The following DGKB variants were observed in gnomAD, a reference collection of about 807,000 sequenced individuals.
DGKB encodes diacylglycerol kinase beta.
A neutral mutation model predicts 114.3 loss-of-function variants in DGKB; 67 were observed. That is an observed-to-expected ratio of 0.59 (90% confidence interval 0.48 to 0.72). The LOEUF is 0.72. Ranked by LOEUF, DGKB falls within the 30% of genes least tolerant of loss-of-function variation. The probability of loss-of-function intolerance (pLI) is 0.00; values close to 1 mark genes in which losing one functional copy is unlikely to be tolerated. For synonymous variants in DGKB, 398 were observed against 323.1 expected (o/e 1.23, Z -2.49); for missense variants, 907 against 975.2 (o/e 0.93, Z 0.93).
intron 23 of DGKB, among the ~76,000 whole-genome samples, chr7:14,186,236 T>G (rs192966280): frequency 6.6e-6 from 1 of 152,272 alleles, no homozygotes; most frequent in African/African-American, 2.4e-5. Flanking sequence ...AAAGAAGATA[T>G]ACAAATGGCC....
chr7:14,811,823 TAAGGGTACA>T (rs1452157044), intron 2 of DGKB, among the ~76,000 whole-genome samples: 1 of 152,150 alleles, frequency 6.6e-6, no homozygotes, highest in Non-Finnish European at 1.5e-5. Context: ...CAACCATTTT[TAAGGGTACA>T]GTTATGTGAT....
intron 4 of DGKB, among the ~76,000 whole-genome samples, chr7:14,739,790 G>C (rs1056845490): frequency 3.3e-5 from 5 of 152,164 alleles, no homozygotes; most frequent in Non-Finnish European, 5.9e-5. Context: ...GTCCAACCCA[G>C]TCTTTGCTAT....
rs73068041 is a variant in DGKB, at chr7:14,428,248, T to A, written c.1835+49913A>T. On this transcript the variant is annotated intron_variant, in intron 21 of 25. Coordinates refer to ENST00000402815, the MANE Select transcript of DGKB (RefSeq NM_001350709.2). ...TGACTCATTTTGCTTACTTTATCAG[T>A]TCTGTTCTCTGAGCCCCTTATTACT... Among the ~76,000 whole-genome samples, 586 of 152,220 alleles carry A rather than the reference T, an allele frequency of 3.8e-3. 2 individuals are homozygous for A. Among genetic ancestry groups the A allele is most frequent in the Non-Finnish European group, 6.5e-3 (439 of 68,008 alleles).
chr7:14,547,625 T>C (rs1794492463), intron 20 of DGKB, among the ~76,000 whole-genome samples: 1 of 152,306 alleles, frequency 6.6e-6, no homozygotes, highest in East Asian at 1.9e-4. Context: ...GAATACACTC[T>C]CATTTATCAT....
intron 1 of DGKB, among the ~76,000 whole-genome samples, chr7:14,948,391 C>G (rs1270556956): frequency 6.6e-6 from 1 of 151,736 alleles, no homozygotes; most frequent in East Asian, 1.9e-4. Context: ...GTGTCATGCA[C>G]TACTGGTTTC....
At chr7:14,910,742 C>A (rs1412170955) in intron 1 of DGKB, among the ~76,000 whole-genome samples, 1 of 152,138 alleles carries the variant, frequency 6.6e-6, no homozygotes, top group Non-Finnish European at 1.5e-5. Context: ...ATTCTTAACA[C>A]CTCTGCTACA....
Position 14,146,979 on chromosome 7 carries a change from T to G in DGKB, c.*2152A>C, listed in dbSNP as rs1781544346. 6.6e-6 allele frequency: 1 copy of G among 152,160 alleles called. No individual in the cohort carries two copies. The highest frequency in any genetic ancestry group is 2.4e-5 in the African/African-American group (1 of 41,456). The allele number at this position is 152,160 out of a possible 1,614,324, so 9.4% of individuals were successfully genotyped here. On this transcript the variant is annotated 3_prime_UTR_variant, in exon 26 of 26. Coordinates refer to ENST00000402815, the MANE Select transcript of DGKB (RefSeq NM_001350709.2). ...CCTTCAAACTATATACTATAAAAGGTAGCCAAGACATAATTGTATGTTGTA... is the reference window on the plus strand; with the variant it reads ...CCTTCAAACTATATACTATAAAAGGGAGCCAAGACATAATTGTATGTTGTA...
chr7:14,771,279 CTG>C (rs1837362762), intron 2 of DGKB, among the ~76,000 whole-genome samples: 1 of 152,114 alleles, frequency 6.6e-6, no homozygotes, highest in African/African-American at 2.4e-5. Context: ...CTCTGGGAAA[CTG>C]TAATTTTCAG....
Position 14,777,991 on chromosome 7 carries a change from T to G in DGKB, c.71-20260A>C, listed in dbSNP as rs924784876. 3.9e-5 allele frequency among the ~76,000 whole-genome samples: 6 copies of G among 152,212 alleles called. No individual in the cohort carries two copies. In the East Asian group the frequency reaches 1.2e-3, roughly 29 times the overall value. On this transcript the variant is annotated intron_variant, in intron 2 of 25. Transcript: ENST00000402815. ...CAGATCTATTTAAATCTAGCTACAA[T>G]AATCACATGCTTCAGTAAAAATGTC...
chr7:14,299,996 G>A (rs750359119), intron 23 of DGKB, among the ~76,000 whole-genome samples: 31 of 151,944 alleles, frequency 2.0e-4, no homozygotes, highest in Non-Finnish European at 3.5e-4. Context: ...TATAACACGG[G>A]ATAGATGGCC....
chr7:14,574,130 A>G, intron 20 of DGKB, 82 bp downstream of exon 20: 1 of 1,071,438 alleles, frequency 9.3e-7, no homozygotes, highest in Non-Finnish European at 1.3e-6. Context: ...ATTTATAATC[A>G]GTAAATTTTC....
At chr7:14,567,594 G>GATATATATAT (rs577240186) in intron 20 of DGKB, among the ~76,000 whole-genome samples, 1 of 98,450 alleles carries the variant, frequency 1.0e-5, no homozygotes, top group Non-Finnish European at 1.9e-5. Context: ...TATAAATAAA[G>GATATATATAT]ATATATATAT....
At chr7:14,230,101 G>C (rs939294116) in intron 23 of DGKB, among the ~76,000 whole-genome samples, 30 of 151,828 alleles carry the variant, frequency 2.0e-4, no homozygotes, top group African/African-American at 7.0e-4. Flanking sequence ...TACTTACCTT[G>C]TACTAAACCT....
chr7:14,556,032 A>T (rs1795817314), intron 20 of DGKB, among the ~76,000 whole-genome samples: 1 of 152,208 alleles, frequency 6.6e-6, no homozygotes, highest in African/African-American at 2.4e-5. Flanking sequence ...TTGTAGTGAA[A>T]TTAGTAATTT....
intron 23 of DGKB, among the ~76,000 whole-genome samples, chr7:14,322,294 G>T (rs1007596632): frequency 2.0e-5 from 3 of 152,194 alleles, no homozygotes; most frequent in Non-Finnish European, 4.4e-5. Context: ...TACAGAAAAA[G>T]CCTTCTGACC....
intron 21 of DGKB, among the ~76,000 whole-genome samples, chr7:14,438,758 G>A (rs140288128): frequency 6.6e-6 from 1 of 152,120 alleles, no homozygotes; most frequent in African/African-American, 2.4e-5. Context: ...GCAAGAATAG[G>A]TTTCAATCCA....
Position 14,149,025 on chromosome 7 carries a change from T to C in DGKB, c.*106A>G. The C allele has an allele frequency of 1.0e-6, 1 of 982,602 alleles. No homozygotes were observed. The highest frequency in any genetic ancestry group is 1.4e-5 in the South Asian group (1 of 73,862). 60.9% of individuals were successfully genotyped at this position (982,602 alleles called of 1,614,324 possible). A position where few individuals can be genotyped will look rare whatever the true frequency, so the allele number is the denominator to read the frequency against. ...AACAAAAACTGTTAAACCACTTCCA[T>C]GATTTTGCATGAGCAGGAGACTTGA... is the stretch of plus-strand genomic sequence containing the variant. On this transcript the variant is annotated 3_prime_UTR_variant, in exon 26 of 26. Transcript: ENST00000402815.
At position 14,238,219 on chromosome 7, in the gene DGKB, G is replaced by A. The variant is rs555670900; in HGVS notation, c.2123-60068C>T. 7.2e-5 allele frequency among the ~76,000 whole-genome samples: 11 copies of A among 152,138 alleles called. No individual in the cohort carries two copies. In the South Asian group the frequency reaches 2.3e-3, roughly 31 times the overall value. On this transcript the variant is annotated intron_variant, in intron 23 of 25. Transcript: ENST00000402815. ...GGAGGGACCTGGTGGAAGGTGATTG[G>A]ATCACGGGGAGGATTTCCCCCATGC...
intron 23 of DGKB, among the ~76,000 whole-genome samples, chr7:14,334,233 C>A (rs948658224): frequency 2.6e-5 from 4 of 152,052 alleles, no homozygotes; most frequent in African/African-American, 7.2e-5. Flanking sequence ...GGTATTTGCA[C>A]AATATTGTGG....
Sources: allele counts gnomAD v4.1 joint callset (sites outside exome capture counted in the v4.1 genomes callset), GRCh38; gene constraint gnomAD v4.1.1; transcripts MANE v1.5; gene names NCBI Gene and HGNC (gene_info 2026-07-23, HGNC 2026-07-21).